PTPRM: variants seen among roughly 807,000 people sequenced by gnomAD.
PTPRM encodes protein tyrosine phosphatase receptor type M.
A neutral mutation model predicts 186.7 loss-of-function variants in PTPRM; 47 were observed. The ratio of observed to expected loss-of-function variants is 0.25; its 90% CI spans 0.20 to 0.32. The LOEUF (loss-of-function observed/expected upper bound fraction) is 0.32, where lower values mean the gene tolerates loss of function less well. Among genes scored for constraint, PTPRM ranks in the 10% least tolerant of loss-of-function variants. PTPRM has a pLI of 1.00. For synonymous variants in PTPRM, 668 were observed against 674.9 expected (o/e 0.99, Z 0.16); for missense variants, 1,494 against 1,865.0 (o/e 0.80, Z 3.66).
chr18:7,859,689 T>C (rs1390762793), intron 2 of PTPRM, among the ~76,000 whole-genome samples: 1 of 152,032 alleles, frequency 6.6e-6, no homozygotes, highest in Non-Finnish European at 1.5e-5. Context: ...GAAATGGGGG[T>C]TGAGGAGTCG....
chr18:8,161,284 G>T (rs1482812522), intron 14 of PTPRM, among the ~76,000 whole-genome samples: 9 of 152,142 alleles, frequency 5.9e-5, no homozygotes. Context: ...TTGCAGTTTT[G>T]TAGTCACAAT....
rs147224252 is a variant in PTPRM, at chr18:8,376,606, G to A, written c.3462+9G>A. On this transcript the variant is annotated intron_variant, in intron 26 of 32. Transcript: ENST00000580170. ...ACATGGTGCAAACAGAGGTACTCCC[G>A]CTCATCACCTAGCCTGGGGCCTTGG... 3,478 of 1,608,424 alleles carry A rather than the reference G, an allele frequency of 2.2e-3. 7 individuals are homozygous for A. Among genetic ancestry groups the A allele is most frequent in the Non-Finnish European group, 2.7e-3 (3,211 of 1,177,424 alleles).
chr18:8,344,448 G>GTGTGTGTATATATATA (rs1360655194), intron 23 of PTPRM, among the ~76,000 whole-genome samples: 8 of 33,424 alleles, frequency 2.4e-4, no homozygotes, highest in African/African-American at 4.5e-4. Flanking sequence ...GTGTGTGTGT[G>GTGTGTGTATATATATA]TATATATATA....
chr18:7,871,555 C>T (rs1038048007), intron 2 of PTPRM, among the ~76,000 whole-genome samples: 4 of 152,182 alleles, frequency 2.6e-5, no homozygotes, highest in Non-Finnish European at 5.9e-5. Context: ...AGTGTCTGTT[C>T]ACTGTAACAG....
intron 14 of PTPRM, among the ~76,000 whole-genome samples, chr18:8,192,873 C>T (rs1205609655): frequency 5.9e-5 from 9 of 152,196 alleles, no homozygotes; most frequent in Admixed American, 2.6e-4. Context: ...TGAGCCTTAA[C>T]AACAAATAGA....
rs1163110900 is a variant in PTPRM at position 8,064,278 on chromosome 18, A to T, written c.1133-5408A>T. The stretch of plus-strand genomic sequence containing the variant: ...CCAGCATTTGGAATACAAGAAAGAC[A>T]TGGTGAGACTATGTCCATCTTAAAC... On this transcript the variant is annotated intron_variant, in intron 7 of 32. Transcript: ENST00000580170. 2.0e-5 allele frequency among the ~76,000 whole-genome samples: 3 copies of T among 152,334 alleles called. No homozygotes were observed. In the East Asian group the frequency reaches 5.8e-4, roughly 29 times the overall value.
At chr18:8,232,604 A>G (rs967510254) in intron 14 of PTPRM, among the ~76,000 whole-genome samples, 7 of 152,134 alleles carry the variant, frequency 4.6e-5, no homozygotes, top group Non-Finnish European at 8.8e-5. Context: ...GCTCACTGCA[A>G]TGTCCGCCTC....
At chr18:7,897,155 T>C (rs963719564) in intron 3 of PTPRM, among the ~76,000 whole-genome samples, 2 of 152,186 alleles carry the variant, frequency 1.3e-5, no homozygotes, top group African/African-American at 4.8e-5. Context: ...TGCTTCGTTC[T>C]GCAGGCCATT....
At chr18:8,347,358 A>G (rs1223741328) in intron 23 of PTPRM, among the ~76,000 whole-genome samples, 1 of 152,232 alleles carries the variant, frequency 6.6e-6, no homozygotes, top group Non-Finnish European at 1.5e-5. Context: ...TAAAAGGTTA[A>G]GCTGATTTTG....
chr18:8,064,344 T>G (rs565140919), intron 7 of PTPRM, among the ~76,000 whole-genome samples: 102 of 151,604 alleles, frequency 6.7e-4, no homozygotes, highest in Non-Finnish European at 1.0e-3. Context: ...ACTTTGGCAT[T>G]GTTACACTTT....
chr18:7,656,598 C>T (rs927900786), intron 1 of PTPRM, among the ~76,000 whole-genome samples: 3 of 151,902 alleles, frequency 2.0e-5, no homozygotes, highest in African/African-American at 7.3e-5. Flanking sequence ...TCAATGGTTG[C>T]CAGAAAAGTT....
chr18:8,374,915 G>A (rs972810987), intron 24 of PTPRM, among the ~76,000 whole-genome samples: 1 of 152,176 alleles, frequency 6.6e-6, no homozygotes, highest in Non-Finnish European at 1.5e-5. Flanking sequence ...AAAGTGATGA[G>A]GTTAATGAGT....
At chr18:7,652,478 C>G (rs1216437350) in intron 1 of PTPRM, among the ~76,000 whole-genome samples, 3 of 152,012 alleles carry the variant, frequency 2.0e-5, no homozygotes, top group African/African-American at 7.3e-5. Flanking sequence ...GCACTATTCA[C>G]AAAAGCAAAG....
intron 31 of PTPRM, among the ~76,000 whole-genome samples, chr18:8,392,266 A>G (rs2095817623): frequency 6.6e-6 from 1 of 152,180 alleles, no homozygotes; most frequent in African/African-American, 2.4e-5. Flanking sequence ...AAATTTGATA[A>G]TTTTAAAACA....
chr18:7,918,522 G>A (rs770562505), intron 4 of PTPRM, among the ~76,000 whole-genome samples: 1 of 151,920 alleles, frequency 6.6e-6, no homozygotes, highest in Non-Finnish European at 1.5e-5. Context: ...TGTACCTGTT[G>A]GCAATTTTCA....
At chr18:7,873,415 G>A (rs1326842103) in intron 2 of PTPRM, among the ~76,000 whole-genome samples, 1 of 152,118 alleles carries the variant, frequency 6.6e-6, no homozygotes, top group African/African-American at 2.4e-5. Context: ...CTGACTGACT[G>A]GATTACAATC....
chr18:8,055,776 A>G (rs766062196), intron 7 of PTPRM, among the ~76,000 whole-genome samples: 27 of 152,274 alleles, frequency 1.8e-4, no homozygotes, highest in East Asian at 5.8e-4. Context: ...GAAGATTTGT[A>G]TTTGTGTTTG....
At chr18:8,152,862 C>T (rs1280655168) in intron 14 of PTPRM, among the ~76,000 whole-genome samples, 3 of 151,872 alleles carry the variant, frequency 2.0e-5, no homozygotes, top group Non-Finnish European at 4.4e-5. Context: ...GGAATATAGG[C>T]TCACACCACC....
At chr18:7,805,970 G>A (rs549075983) in intron 2 of PTPRM, among the ~76,000 whole-genome samples, 9 of 152,286 alleles carry the variant, frequency 5.9e-5, no homozygotes, top group African/African-American at 2.2e-4. Context: ...AAATGAAGAG[G>A]GAGGCCACAG....
Sources: allele counts gnomAD v4.1 joint callset (sites outside exome capture counted in the v4.1 genomes callset), GRCh38; gene constraint gnomAD v4.1.1; transcripts MANE v1.5; gene names NCBI Gene and HGNC (gene_info 2026-07-23, HGNC 2026-07-21).